Variants in MAD1L1 observed in about 807,000 individuals in gnomAD.
MAD1L1 encodes mitotic arrest deficient 1 like 1.
Under a neutral mutation model 96.9 loss-of-function variants are expected in MAD1L1, and 95 were observed. That is an observed-to-expected ratio of 0.98 (90% CI 0.83 to 1.16). The LOEUF (loss-of-function observed/expected upper bound fraction) is 1.16. Among genes scored for constraint, MAD1L1 ranks in the 50% most tolerant of loss-of-function variants. The pLI is 0.00. For missense variants in MAD1L1, 1,007 were observed against 954.4 expected (o/e 1.06, Z -0.73); for synonymous variants, 473 against 396.6 (o/e 1.19, Z -2.29).
At chr7:2,099,573 A>C (rs1562685913) in intron 11 of MAD1L1, among the ~76,000 whole-genome samples, 1 of 152,256 alleles carries the variant, frequency 6.6e-6, no homozygotes, top group Non-Finnish European at 1.5e-5. Context: ...CGCCACCCAG[A>C]GGCCAGGCGG....
intron 18 of MAD1L1, among the ~76,000 whole-genome samples, chr7:1,829,256 A>G (rs1782583397): frequency 6.6e-6 from 1 of 152,210 alleles, no homozygotes. Context: ...AGCGGATGCA[A>G]AGTGGGGCGC....
At chr7:2,181,794 A>G (rs1791212221) in intron 10 of MAD1L1, among the ~76,000 whole-genome samples, 1 of 150,658 alleles carries the variant, frequency 6.6e-6, no homozygotes. Context: ...AACCGAGTGG[A>G]TAAAGAAAAT....
chr7:1,835,631 C>G (rs940457176), intron 18 of MAD1L1, among the ~76,000 whole-genome samples: 12 of 152,128 alleles, frequency 7.9e-5, no homozygotes, highest in African/African-American at 2.7e-4. Context: ...GGGTCTCAAT[C>G]TAGACCCCAA....
intron 17 of MAD1L1, among the ~76,000 whole-genome samples, chr7:1,900,529 G>A (rs958313722): frequency 7.2e-5 from 11 of 152,146 alleles, no homozygotes; most frequent in African/African-American, 1.4e-4. Flanking sequence ...TTGATGAATC[G>A]AGCAATCAGG....
chr7:2,049,733 C>T lies in MAD1L1; in HGVS notation c.1218+19461G>A, dbSNP rs188439398. ...CAGCACCAGTGTCCAGGAGGACTATCGAGCACTGTAATTCCCAGGGCACCT... is the reference window on the plus strand; with the variant it reads ...CAGCACCAGTGTCCAGGAGGACTATTGAGCACTGTAATTCCCAGGGCACCT... On this transcript the variant is annotated intron_variant, in intron 12 of 18. Coordinates refer to ENST00000265854, the MANE Select transcript of MAD1L1 (RefSeq NM_001013836.2). Among the ~76,000 whole-genome samples the T allele has an allele frequency of 7.6e-3, 1,155 of 152,320 alleles. 44 individuals are homozygous for T. Among genetic ancestry groups the T allele is most frequent in the Admixed American group, 0.057 (876 of 15,302 alleles).
At chr7:1,855,403 C>A (rs1784198259) in intron 18 of MAD1L1, among the ~76,000 whole-genome samples, 1 of 152,010 alleles carries the variant, frequency 6.6e-6, no homozygotes, top group Non-Finnish European at 1.5e-5. Flanking sequence ...TTGATGCCAT[C>A]CTAGGCCGCC....
At chr7:1,993,794 G>T (rs1459094824) in intron 14 of MAD1L1, among the ~76,000 whole-genome samples, 1 of 152,212 alleles carries the variant, frequency 6.6e-6, no homozygotes, top group Non-Finnish European at 1.5e-5. Context: ...CTCACACTGG[G>T]AAAGGGGACA....
intron 12 of MAD1L1, among the ~76,000 whole-genome samples, chr7:2,030,136 G>T (rs1026934903): frequency 6.6e-6 from 1 of 152,184 alleles, no homozygotes; most frequent in African/African-American, 2.4e-5. Context: ...CCCCTGGCTG[G>T]CAGAGAGTGC....
rs531999413 is a variant in MAD1L1 at position 1,900,600 on chromosome 7, G to T, written c.1808-2210C>A. 3.9e-5 allele frequency among the ~76,000 whole-genome samples: 6 copies of T among 152,294 alleles called. No homozygotes were observed. The East Asian group carries it at 1.2e-3, about 29-fold the overall frequency. On this transcript the variant is annotated intron_variant, in intron 17 of 18. Transcript: ENST00000265854. The stretch of plus-strand genomic sequence containing the variant: ...CCAAGACTCTTCCCTGCGTCCCTCG[G>T]CTGATCCTCCCGAAGATGGGGCTAT...
chr7:2,223,769 A>T (rs1477578394), intron 4 of MAD1L1: 1 of 152,254 alleles, frequency 6.6e-6, no homozygotes, highest in Non-Finnish European at 1.5e-5. Context: ...CAGATGCGGC[A>T]CCGGGCCTGG....
At chr7:2,218,554 C>A (rs537038668) in intron 6 of MAD1L1, among the ~76,000 whole-genome samples, 7 of 152,330 alleles carry the variant, frequency 4.6e-5, no homozygotes, top group Non-Finnish European at 7.3e-5. Flanking sequence ...AGCCCTGTGC[C>A]TGGACATCCC....
chr7:2,019,849 C>T (rs1562613159), intron 12 of MAD1L1, among the ~76,000 whole-genome samples: 2 of 152,332 alleles, frequency 1.3e-5, no homozygotes, highest in Non-Finnish European at 2.9e-5. Flanking sequence ...CAGAACGCTT[C>T]GCCTCCTGTC....
chr7:2,014,994 G>A (rs1033965651), intron 12 of MAD1L1, among the ~76,000 whole-genome samples: 6 of 152,224 alleles, frequency 3.9e-5, no homozygotes, highest in Non-Finnish European at 8.8e-5. Context: ...CACACAAGGC[G>A]AGGGCGCACA....
chr7:1,947,541 C>T (rs1583883786), intron 16 of MAD1L1, among the ~76,000 whole-genome samples: 1 of 152,216 alleles, frequency 6.6e-6, no homozygotes, highest in East Asian at 1.9e-4. Context: ...CCAGGCCCAC[C>T]AAGAGGCACA....
chr7:2,016,338 G>C (rs1056729164), intron 12 of MAD1L1, among the ~76,000 whole-genome samples: 2 of 152,190 alleles, frequency 1.3e-5, no homozygotes, highest in African/African-American at 2.4e-5. Flanking sequence ...GCCCCCACCA[G>C]TACTGGCTGA....
intron 10 of MAD1L1, among the ~76,000 whole-genome samples, chr7:2,199,808 C>T (rs913132751): frequency 1.3e-5 from 2 of 152,352 alleles, no homozygotes; most frequent in Admixed American, 6.5e-5. Context: ...GGCCACAACC[C>T]AACCCACCAC....
intron 10 of MAD1L1, among the ~76,000 whole-genome samples, chr7:2,153,160 G>T (rs569948477): frequency 4.5e-4 from 69 of 152,216 alleles, no homozygotes; most frequent in African/African-American, 1.5e-3. Context: ...CAAAAGCACA[G>T]GCAACAAAAA....
At chr7:2,203,798 G>C (rs1792442349) in intron 10 of MAD1L1, among the ~76,000 whole-genome samples, 1 of 152,218 alleles carries the variant, frequency 6.6e-6, no homozygotes, top group South Asian at 2.1e-4. Context: ...ACGACACACA[G>C]GAAACTCATC....
intron 18 of MAD1L1, among the ~76,000 whole-genome samples, chr7:1,874,832 A>C (rs941313895): frequency 1.8e-4 from 27 of 152,030 alleles, no homozygotes; most frequent in South Asian, 4.2e-4. Flanking sequence ...AGGTATAGGG[A>C]GGAGGGGAAG....
Sources: allele counts gnomAD v4.1 joint callset (sites outside exome capture counted in the v4.1 genomes callset), GRCh38; gene constraint gnomAD v4.1.1; transcripts MANE v1.5; gene names NCBI Gene and HGNC (gene_info 2026-07-23, HGNC 2026-07-21).